Variants in ABCC4 observed in about 807,000 individuals in gnomAD.
The protein encoded by ABCC4 is ATP-binding cassette sub-family C member 4.
In ABCC4, 102 loss-of-function variants were observed where a neutral mutation model predicts 168.5. The ratio of observed to expected loss-of-function variants is 0.61; its 90% CI spans 0.52 to 0.71. The LOEUF (loss-of-function observed/expected upper bound fraction) is 0.71. Among genes scored for constraint, ABCC4 ranks in the 30% least tolerant of loss-of-function variants. ABCC4 has a pLI of 0.00. For missense variants in ABCC4, 1,402 were observed against 1,605.8 expected (o/e 0.87, Z 2.17); for synonymous variants, 617 against 590.7 (o/e 1.04, Z -0.65).
chr13:95,255,602 C>T (rs2040373913), intron 1 of ABCC4, among the ~76,000 whole-genome samples: 1 of 152,184 alleles, frequency 6.6e-6, no homozygotes, highest in African/African-American at 2.4e-5. Context: ...AAGCTGTGAT[C>T]TTCTGTTATT....
chr13:95,031,565 A>G (rs1464681026), intron 30 of ABCC4, among the ~76,000 whole-genome samples: 1 of 152,226 alleles, frequency 6.6e-6, no homozygotes, highest in African/African-American at 2.4e-5. Context: ...TATGTAAACA[A>G]TGTAAAATAA....
intron 1 of ABCC4, among the ~76,000 whole-genome samples, chr13:95,295,336 C>T (rs72645831): frequency 6.6e-6 from 1 of 151,694 alleles, no homozygotes; most frequent in South Asian, 2.1e-4. Flanking sequence ...GGCAACACAG[C>T]GAGACCTGGT....
intron 1 of ABCC4, among the ~76,000 whole-genome samples, chr13:95,295,830 A>G (rs1230045097): frequency 6.6e-6 from 1 of 151,466 alleles, no homozygotes; most frequent in Non-Finnish European, 1.5e-5. Context: ...AGTTGGGCAT[A>G]GTGGCAGGCA....
At chr13:95,237,517 G>A (rs940402363) in intron 3 of ABCC4, among the ~76,000 whole-genome samples, 3 of 152,106 alleles carry the variant, frequency 2.0e-5, no homozygotes, top group African/African-American at 7.2e-5. Flanking sequence ...AATTCTCCTC[G>A]ACTGTGAAAC....
intron 1 of ABCC4, among the ~76,000 whole-genome samples, chr13:95,300,327 AC>A (rs1057386668): frequency 9.2e-5 from 14 of 152,072 alleles, no homozygotes; most frequent in African/African-American, 3.4e-4. Context: ...GATTCCAGGG[AC>A]CCCACCTCCG....
rs188211225 is a variant in ABCC4, at chr13:95,091,404, A to T, written c.2536-8114T>A. ...TTAAGAGCTGTGAGACAGAAGCACC[A>T]GGTAACCTATAAAGGAAAACCTATC... is the stretch of plus-strand genomic sequence containing the variant. On this transcript the variant is annotated intron_variant, in intron 20 of 30. Transcript: ENST00000645237. Among the ~76,000 whole-genome samples the T allele has an allele frequency of 2.6e-5, 4 of 152,334 alleles. No homozygotes were observed. In the East Asian group the frequency reaches 7.7e-4, roughly 29 times the overall value.
chr13:95,116,142 G>T, intron 19 of ABCC4, 141 bp from the exon 20 acceptor site: 1 of 518,294 alleles, frequency 1.9e-6, no homozygotes. Context: ...GATGTCAGTG[G>T]TAAAGAAAAA....
At chr13:95,274,190 C>A (rs2040914871) in intron 1 of ABCC4, among the ~76,000 whole-genome samples, 1 of 152,164 alleles carries the variant, frequency 6.6e-6, no homozygotes, top group South Asian at 2.1e-4. Context: ...TTCAGCCAGG[C>A]CAGTAGATTT....
At chr13:95,036,383 A>T (rs1314951446) in intron 29 of ABCC4, among the ~76,000 whole-genome samples, 1 of 152,202 alleles carries the variant, frequency 6.6e-6, no homozygotes, top group Non-Finnish European at 1.5e-5. Flanking sequence ...CCTTGTCCAA[A>T]TTCCTACTAA....
intron 10 of ABCC4, among the ~76,000 whole-genome samples, chr13:95,187,164 A>C (rs1184759102): frequency 6.6e-6 from 1 of 152,354 alleles, no homozygotes; most frequent in South Asian, 2.1e-4. Context: ...GAAATGGTAC[A>C]CGGAACAAAG....
intron 14 of ABCC4, among the ~76,000 whole-genome samples, chr13:95,169,966 C>T (rs2037412237): frequency 6.6e-6 from 1 of 152,188 alleles, no homozygotes; most frequent in Admixed American, 6.5e-5. Flanking sequence ...AAGTGATTCC[C>T]CTGCCTCAGC....
At chr13:95,067,914 A>G (rs944327166) in intron 25 of ABCC4, among the ~76,000 whole-genome samples, 3 of 152,142 alleles carry the variant, frequency 2.0e-5, no homozygotes, top group Admixed American at 6.5e-5. Context: ...AACCATCTAA[A>G]TGAAAAATGC....
chr13:95,218,161 G>A (rs2039176961), intron 4 of ABCC4, among the ~76,000 whole-genome samples: 1 of 152,078 alleles, frequency 6.6e-6, no homozygotes, highest in South Asian at 2.1e-4. Context: ...AATTAAACTG[G>A]GTATTTCTGC....
At chr13:95,233,165 AC>A (rs2039670766) in intron 4 of ABCC4, among the ~76,000 whole-genome samples, 1 of 152,210 alleles carries the variant, frequency 6.6e-6, no homozygotes, top group African/African-American at 2.4e-5. Context: ...TGTACAATTT[AC>A]AATGTGCAAT....
At chr13:95,290,705 CAAAAAAAAAAAAAAA>C (rs55933951) in intron 1 of ABCC4, among the ~76,000 whole-genome samples, 1 of 56,046 alleles carries the variant, frequency 1.8e-5, no homozygotes, top group Admixed American at 3.0e-4. Context: ...AACTCTGTCT[CAAAAAAAAAAAAAAA>C]AAAAAAAAAA....
intron 1 of ABCC4, among the ~76,000 whole-genome samples, chr13:95,260,778 T>C (rs1265105007): frequency 6.6e-6 from 1 of 152,042 alleles, no homozygotes; most frequent in African/African-American, 2.4e-5. Context: ...ATTGTGAATG[T>C]TTTTAAGCTA....
chr13:95,202,958 C>A (rs1359444942), intron 8 of ABCC4, among the ~76,000 whole-genome samples: 2 of 152,282 alleles, frequency 1.3e-5, no homozygotes, highest in African/African-American at 4.8e-5. Flanking sequence ...TCGCGCCTGG[C>A]CGCACTTCTG....
intron 30 of ABCC4, among the ~76,000 whole-genome samples, chr13:95,030,405 T>C (rs745791280): frequency 6.6e-6 from 1 of 152,092 alleles, no homozygotes; most frequent in Non-Finnish European, 1.5e-5. Context: ...AACCTCAAAT[T>C]AGGTCGGCTT....
intron 19 of ABCC4, among the ~76,000 whole-genome samples, chr13:95,150,020 T>TG (rs1018735230): frequency 3.9e-5 from 6 of 152,116 alleles, no homozygotes; most frequent in South Asian, 2.1e-4. Flanking sequence ...TTCCTAGGCT[T>TG]GGGGGGGCAA....
Sources: gnomAD v4.1 joint callset for allele counts (sites outside exome capture counted in the v4.1 genomes callset) on GRCh38, gnomAD v4.1.1 for gene constraint, MANE v1.5 for transcripts, NCBI Gene and HGNC (gene_info 2026-07-23, HGNC 2026-07-21) for gene names.